The following ANXA9 variants were observed in gnomAD, a reference collection of about 807,000 sequenced individuals.
ANXA9 encodes the protein annexin A9.
Under a neutral mutation model 51.8 loss-of-function variants are expected in ANXA9, and 47 were observed. That is an observed-to-expected ratio of 0.91 (90% CI 0.72 to 1.16). The LOEUF (loss-of-function observed/expected upper bound fraction) is 1.16, where lower values mean the gene tolerates loss of function less well. ANXA9 is among the 50% of genes most tolerant of loss of function. ANXA9 has a pLI of 0.00. For missense variants in ANXA9, 361 were observed against 424.7 expected, an observed-to-expected ratio of 0.85 and a Z score of 1.32; for synonymous variants, 154 against 168.7, an observed-to-expected ratio of 0.91 and a Z score of 0.68.
In ANXA9 at chr1:150,988,444, C is replaced by T. The variant is rs981047058; in HGVS notation, c.852+103C>T. 6 of 1,360,652 alleles carry T rather than the reference C, an allele frequency of 4.4e-6. No individual in the cohort carries two copies. The African/African-American group carries it at 5.8e-5, about 13-fold the overall frequency. The allele number at this position is 1,360,652 out of a possible 1,614,324, so 84.3% of individuals were successfully genotyped here. On this transcript the variant is annotated intron_variant, in intron 12 of 13. Coordinates refer to ENST00000368947, the MANE Select transcript of ANXA9 (RefSeq NM_003568.3). ...ACCATCCTATATACACCGTCTAAAC[C>T]TCAAGCCGCTCTCCTTCCCAGGGCT...
upstream of ANXA9, among the ~76,000 whole-genome samples, chr1:150,980,657 G>A (rs1442558265): frequency 1.5e-5 from 2 of 133,488 alleles, no homozygotes; most frequent in Non-Finnish European, 3.0e-5. Flanking sequence ...TCAGCTCACT[G>A]CAACCTCTGC....
At position 150,984,284 on chromosome 1, in the gene ANXA9, C is replaced by T; in HGVS notation, c.271C>T (p.Leu91=). ...RNFQERTQQD[L]MKSLQAALSG... is the part of the protein sequence containing the mutation. The stretch of plus-strand genomic sequence containing the variant: ...CTGTGAGGACCATTTATTGTAGGAC[C>T]TGATGAAGTCTCTACAGGCAGCACT... Residue 91 remains leucine, a synonymous_variant, in exon 6 of 14, where the codon CTG becomes TTG. Coordinates refer to ENST00000368947, the MANE Select transcript of ANXA9 (RefSeq NM_003568.3). 5 of 1,613,950 alleles carry T rather than the reference C, an allele frequency of 3.1e-6. No individual in the cohort carries two copies. The highest frequency in any genetic ancestry group is 4.2e-6 in the Non-Finnish European group (5 of 1,179,852).
chr1:150,986,492 G>A, intron 8 of ANXA9, 77 bp downstream of exon 8: 3 of 1,576,508 alleles, frequency 1.9e-6, no homozygotes. Context: ...GAGCATTGCT[G>A]TCCTGTAATG....
Position 150,984,001 on chromosome 1 carries a change from G to A in ANXA9, c.199G>A (p.Val67Met), listed in dbSNP as rs753432922. 10 of 1,612,674 alleles carry A rather than the reference G, an allele frequency of 6.2e-6. No homozygotes were observed. Among genetic ancestry groups the A allele is most frequent in the African/African-American group, 1.3e-5 (1 of 74,828 alleles). The change falls in exon 5 of 14, where the codon GTG becomes ATG. Residue 67 changes from valine (V) to methionine (M), a missense_variant. Val to Met is a conservative substitution (Grantham distance 21). Transcript: ENST00000368947. ...CGTGGACCGCAGTGCCATTGTGGAC[G>A]TGCTGACCAACCGGAGCAGAGAGCA... ...QGVDRSAIVD[V>M]LTNRSREQRQ... is the part of the protein sequence containing the mutation.
intron 9 of ANXA9, 27 bp downstream of exon 9, chr1:150,986,688 C>A (rs747053800): frequency 2.6e-6 from 4 of 1,564,038 alleles, no homozygotes; most frequent in African/African-American, 1.4e-5. Flanking sequence ...GGAGTGTGCA[C>A]AGCCGCCATG....
chr1:150,981,344 G>T (rs1197268646), upstream of ANXA9, among the ~76,000 whole-genome samples: 1 of 152,162 alleles, frequency 6.6e-6, no homozygotes, highest in Non-Finnish European at 1.5e-5. Context: ...AGGAGTGAGT[G>T]GAGGCAGGGC....
Position 150,983,882 on chromosome 1 carries a change from G to A in ANXA9, c.173-93G>A, listed in dbSNP as rs1671482946. 9 of 1,237,494 alleles carry A rather than the reference G, an allele frequency of 7.3e-6. No individual in the cohort carries two copies. In the South Asian group the frequency reaches 1.2e-4, roughly 17 times the overall value. The allele number at this position is 1,237,494 out of a possible 1,614,324, so 76.7% of individuals were successfully genotyped here. On this transcript the variant is annotated intron_variant, in intron 4 of 13. Coordinates refer to ENST00000368947, the MANE Select transcript of ANXA9 (RefSeq NM_003568.3). ...ATAGCCCCTGCTCCTTTCCTTCCCA[G>A]CCCTCTCCTGGAGCGCCTTCCCTCC...
chr1:150,992,362 C>G (rs1671725494), intron 12 of ANXA9, among the ~76,000 whole-genome samples: 1 of 152,090 alleles, frequency 6.6e-6, no homozygotes, highest in Non-Finnish European at 1.5e-5. Context: ...CCAGACTGAC[C>G]AACATGGTGA....
At chr1:150,986,087 G>C (rs1374030056) in intron 7 of ANXA9, among the ~76,000 whole-genome samples, 1 of 152,016 alleles carries the variant, frequency 6.6e-6, no homozygotes, top group Admixed American at 6.6e-5. Context: ...TCTAATAATG[G>C]TTGCCTCCTG....
chr1:150,979,440 G>A (rs1052600686), upstream of ANXA9, among the ~76,000 whole-genome samples: 2 of 152,100 alleles, frequency 1.3e-5, no homozygotes, highest in Admixed American at 6.6e-5. Context: ...GCCTAACTGC[G>A]GTCACCCAGT....
At chr1:150,979,078 C>T (rs1293373508), upstream of ANXA9, among the ~76,000 whole-genome samples, 1 of 151,736 alleles carries the variant, frequency 6.6e-6, no homozygotes, top group Non-Finnish European at 1.5e-5. Flanking sequence ...CTGTAAACAA[C>T]TGCAATCCGG....
chr1:150,987,877 G>A lies in ANXA9; in HGVS notation c.618G>A (p.Leu206=), dbSNP rs1671605786. The change falls in exon 10 of 14, where the codon CTG becomes CTA. Residue 206 remains leucine (L), a synonymous_variant. Transcript: ENST00000368947. ...YNLAEQDVQA[L]QRAEGPSREE... is the part of the protein sequence containing the mutation. ...GACTCATTCCTCCCTCCTAGGCACT[G>A]CAGCGGGCAGAAGGACCTAGCAGAG... 1 of 1,613,806 alleles carries A rather than the reference G, an allele frequency of 6.2e-7. No individual in the cohort carries two copies. Among genetic ancestry groups the A allele is most frequent in the Non-Finnish European group, 8.5e-7 (1 of 1,179,940 alleles).
upstream of ANXA9, among the ~76,000 whole-genome samples, chr1:150,977,419 C>T (rs113190522): frequency 6.6e-6 from 1 of 152,198 alleles, no homozygotes; most frequent in Non-Finnish European, 1.5e-5. Context: ...TTGGCTGGAC[C>T]GGAGACTGTG....
intron 12 of ANXA9, among the ~76,000 whole-genome samples, chr1:150,990,573 G>T (rs12078033): frequency 1.3e-5 from 2 of 152,172 alleles, no homozygotes; most frequent in Non-Finnish European, 2.9e-5. Context: ...CGGGCTGGGC[G>T]CTGTGGCGCA....
upstream of ANXA9, among the ~76,000 whole-genome samples, chr1:150,978,659 A>G (rs961538374): frequency 2.0e-5 from 3 of 152,004 alleles, no homozygotes; most frequent in Non-Finnish European, 2.9e-5. Flanking sequence ...TCCTTGAGTC[A>G]GTAATGAAAA....
chr1:150,983,522 T>C, intron 4 of ANXA9, 88 bp downstream of exon 4: 1 of 1,294,526 alleles, frequency 7.7e-7, no homozygotes, highest in Non-Finnish European at 1.1e-6. Flanking sequence ...ACTAGTGATG[T>C]TGGAGAAATG....
chr1:150,985,464 C>T (rs2102791788), intron 7 of ANXA9, among the ~76,000 whole-genome samples: 1 of 152,254 alleles, frequency 6.6e-6, no homozygotes, highest in South Asian at 2.1e-4. Context: ...ACAAGTGTCT[C>T]ACCCACTAAT....
At chr1:150,984,531 G>C in intron 6 of ANXA9, 55 bp from the exon 7 acceptor site, 1 of 1,560,304 alleles carries the variant, frequency 6.4e-7, no homozygotes, top group South Asian at 1.1e-5. Context: ...CTGCCCCTCT[G>C]TCTGCCATCC....
In ANXA9 at chr1:150,984,399, C is replaced by A. The variant is rs587724810; in HGVS notation, c.381+5C>A. ...GAATTGAGGACAGCTCTGAAGGTAG[C>A]AGGAGGGGAGACTTGCTGGGGTGTC... On this transcript the variant is annotated splice_donor_5th_base_variant and intron_variant, in intron 6 of 13. Transcript: ENST00000368947. 6.2e-7 allele frequency: 1 copy of A among 1,613,686 alleles called. No individual in the cohort carries two copies. Among genetic ancestry groups the A allele is most frequent in the East Asian group, 2.2e-5 (1 of 44,882 alleles).
Sources: allele counts gnomAD v4.1 joint callset (sites outside exome capture counted in the v4.1 genomes callset), GRCh38; gene constraint gnomAD v4.1.1; transcripts MANE v1.5; gene names NCBI Gene and HGNC (gene_info 2026-07-23, HGNC 2026-07-21).